SND1: variants seen among roughly 807,000 people sequenced by gnomAD.
SND1 encodes the protein staphylococcal nuclease and tudor domain containing 1.
A neutral mutation model predicts 121.7 loss-of-function variants in SND1; 38 were observed. The ratio of observed to expected loss-of-function variants is 0.31; its 90% CI spans 0.24 to 0.41. The LOEUF (loss-of-function observed/expected upper bound fraction) is 0.41, where lower values mean the gene tolerates loss of function less well. Among genes scored for constraint, SND1 ranks in the 10% least tolerant of loss-of-function variants. The pLI is 1.00. For missense variants in SND1, 868 were observed against 1,184.6 expected (o/e 0.73, Z 3.92); for synonymous variants, 401 against 447.4 (o/e 0.90, Z 1.31).
chr7:127,681,436 A>G (rs933989707), intron 1 of SND1, among the ~76,000 whole-genome samples: 1 of 152,118 alleles, frequency 6.6e-6, no homozygotes, highest in Non-Finnish European at 1.5e-5. Flanking sequence ...GCATATACTC[A>G]TATTTTTTTC....
intron 10 of SND1, among the ~76,000 whole-genome samples, chr7:127,741,469 C>G (rs1023334293): frequency 6.6e-6 from 1 of 152,122 alleles, no homozygotes; most frequent in Non-Finnish European, 1.5e-5. Flanking sequence ...AACCACTGCC[C>G]AGGCCTCAAC....
At chr7:128,051,876 T>C (rs1224935438) in intron 16 of SND1, among the ~76,000 whole-genome samples, 6 of 152,244 alleles carry the variant, frequency 3.9e-5, no homozygotes, top group Non-Finnish European at 8.8e-5. Flanking sequence ...AGCTAAGTGA[T>C]ACTTGGGTTC....
chr7:127,701,622 C>A (rs921623300), intron 5 of SND1, among the ~76,000 whole-genome samples: 6 of 152,034 alleles, frequency 3.9e-5, no homozygotes, highest in Admixed American at 1.3e-4. Context: ...ACTTAAATAC[C>A]AACCCTAAAA....
intron 1 of SND1, among the ~76,000 whole-genome samples, chr7:127,669,984 A>C (rs1795486767): frequency 6.6e-6 from 1 of 151,102 alleles, no homozygotes; most frequent in South Asian, 2.1e-4. Flanking sequence ...TTATGTATTT[A>C]TTTAACTAAT....
At chr7:127,828,674 A>C (rs1316778940) in intron 11 of SND1, among the ~76,000 whole-genome samples, 2 of 152,306 alleles carry the variant, frequency 1.3e-5, no homozygotes, top group East Asian at 3.9e-4. Flanking sequence ...TAGTGTCAAA[A>C]TATTATTAAA....
intron 15 of SND1, among the ~76,000 whole-genome samples, chr7:127,949,519 A>G (rs1213068550): frequency 6.6e-6 from 1 of 152,220 alleles, no homozygotes; most frequent in African/African-American, 2.4e-5. Context: ...GCATTTAAGA[A>G]CAAAAAAACT....
intron 16 of SND1, chr7:127,997,716 T>C (rs903514933): frequency 1.9e-6 from 1 of 533,276 alleles, no homozygotes; most frequent in African/African-American, 1.9e-5. Flanking sequence ...CCCCACTCAC[T>C]TCGTAATTCG....
intron 16 of SND1, among the ~76,000 whole-genome samples, chr7:127,993,280 AC>A (rs1802561626): frequency 6.6e-6 from 1 of 152,174 alleles, no homozygotes; most frequent in Non-Finnish European, 1.5e-5. Context: ...TTATTCATTT[AC>A]TTTTACCTAT....
chr7:127,898,431 T>A (rs1415963754), intron 13 of SND1, among the ~76,000 whole-genome samples: 1 of 152,122 alleles, frequency 6.6e-6, no homozygotes, highest in Non-Finnish European at 1.5e-5. Context: ...CTGCACCTGC[T>A]CCTGCTCTGT....
In SND1 at chr7:127,681,104, C is replaced by T. The variant is rs544773306; in HGVS notation, c.79-5509C>T. Among the ~76,000 whole-genome samples, 26 of 152,220 alleles carry T rather than the reference C, an allele frequency of 1.7e-4. 1 individual carries two copies. In the South Asian group the frequency reaches 5.4e-3, roughly 32 times the overall value. On this transcript the variant is annotated intron_variant, in intron 1 of 23. Transcript: ENST00000354725. ...ACCTCCAGACTCTTTTCCAAAGCAG[C>T]TACACCACCCATAATGTATGAGGGG...
At chr7:127,968,879 A>C (rs62481453) in intron 15 of SND1, among the ~76,000 whole-genome samples, 1 of 152,094 alleles carries the variant, frequency 6.6e-6, no homozygotes, top group Non-Finnish European at 1.5e-5. Context: ...CAACTCCCCA[A>C]ATCCTTGGCT....
intron 16 of SND1, among the ~76,000 whole-genome samples, chr7:128,056,932 T>G (rs1156928684): frequency 6.6e-6 from 1 of 152,196 alleles, no homozygotes; most frequent in Admixed American, 6.5e-5. Context: ...ACACAAGTAC[T>G]GTAATTCCAT....
chr7:127,745,360 G>A (rs933322675), intron 10 of SND1, among the ~76,000 whole-genome samples: 1 of 152,190 alleles, frequency 6.6e-6, no homozygotes, highest in African/African-American at 2.4e-5. Context: ...GACCACCGTT[G>A]TATAAGTGGT....
intron 10 of SND1, among the ~76,000 whole-genome samples, chr7:127,778,354 C>T (rs560906677): frequency 2.1e-4 from 32 of 152,232 alleles, no homozygotes; most frequent in Middle Eastern, 6.8e-3. Flanking sequence ...CGTGCCACCA[C>T]GCCCAGCTAA....
At chr7:128,080,575 C>T (rs963082329) in intron 17 of SND1, among the ~76,000 whole-genome samples, 1 of 152,196 alleles carries the variant, frequency 6.6e-6, no homozygotes, top group African/African-American at 2.4e-5. Context: ...GCAGGAGGTC[C>T]TGCAGAATTC....
chr7:127,793,102 T>A (rs1451656654), intron 10 of SND1, among the ~76,000 whole-genome samples: 2 of 152,188 alleles, frequency 1.3e-5, no homozygotes, highest in East Asian at 3.8e-4. Flanking sequence ...GTTTGATGAG[T>A]TTCCCAGGGT....
intron 11 of SND1, among the ~76,000 whole-genome samples, chr7:127,811,776 T>TATAAA (rs1276678641): frequency 3.3e-5 from 5 of 152,234 alleles, no homozygotes; most frequent in Admixed American, 6.5e-5. Flanking sequence ...GACTTGTTTC[T>TATAAA]ATAAAATAAA....
intron 16 of SND1, among the ~76,000 whole-genome samples, chr7:128,023,747 G>A (rs1803410822): frequency 6.6e-6 from 1 of 152,128 alleles, no homozygotes; most frequent in African/African-American, 2.4e-5. Context: ...TCAAGAATAG[G>A]GGTGGTGATG....
chr7:128,024,769 G>C (rs574723340), intron 16 of SND1, among the ~76,000 whole-genome samples: 24 of 152,348 alleles, frequency 1.6e-4, no homozygotes, highest in Admixed American at 1.5e-3. Flanking sequence ...GGAGCACATT[G>C]TAGAAGTGGC....
Sources: allele counts gnomAD v4.1 joint callset (sites outside exome capture counted in the v4.1 genomes callset), GRCh38; gene constraint gnomAD v4.1.1; transcripts MANE v1.5; gene names NCBI Gene and HGNC (gene_info 2026-07-23, HGNC 2026-07-21).